SLIT3: variants seen among roughly 807,000 people sequenced by gnomAD.
SLIT3 encodes slit homolog 3 protein.
A neutral mutation model predicts 184.0 loss-of-function variants in SLIT3; 68 were observed. That is an observed-to-expected ratio of 0.37 (90% CI 0.30 to 0.45). SLIT3 has a LOEUF of 0.45. SLIT3 is among the 20% of genes least tolerant of loss of function. The pLI is 1.00. For synonymous variants in SLIT3, 831 were observed against 828.6 expected, an observed-to-expected ratio of 1.00 and a Z score of -0.05; for missense variants, 1,707 against 2,026.0, an observed-to-expected ratio of 0.84 and a Z score of 3.02.
chr5:168,898,074 C>T (rs570411561), intron 4 of SLIT3, among the ~76,000 whole-genome samples: 14 of 152,272 alleles, frequency 9.2e-5, no homozygotes, highest in East Asian at 5.8e-4. Flanking sequence ...CATTACAAAG[C>T]GAGTTTTTAA....
chr5:168,883,411 A>T, intron 4 of SLIT3, 75 bp from the exon 5 acceptor site: 1 of 1,145,072 alleles, frequency 8.7e-7, no homozygotes, highest in Non-Finnish European at 1.3e-6. Context: ...AAATGATAAC[A>T]ATCCCCCCCA....
chr5:168,803,216 G>T (rs1390160226), intron 9 of SLIT3, among the ~76,000 whole-genome samples: 1 of 152,158 alleles, frequency 6.6e-6, no homozygotes, highest in African/African-American at 2.4e-5. Context: ...TCTGTCTTCA[G>T]TGGCTATCAT....
At chr5:169,254,296 C>A (rs1373057771) in intron 1 of SLIT3, among the ~76,000 whole-genome samples, 1 of 152,118 alleles carries the variant, frequency 6.6e-6, no homozygotes, top group Non-Finnish European at 1.5e-5. Context: ...CCCCACTGTC[C>A]CGGCCCAGGC....
intron 5 of SLIT3, among the ~76,000 whole-genome samples, chr5:168,875,731 G>A (rs1759709371): frequency 6.6e-6 from 1 of 151,286 alleles, no homozygotes; most frequent in South Asian, 2.1e-4. Context: ...AGGAAGGGAG[G>A]GAAACAGGAA....
chr5:168,792,646 T>G (rs1024992923), intron 10 of SLIT3, among the ~76,000 whole-genome samples: 5 of 152,130 alleles, frequency 3.3e-5, no homozygotes, highest in Non-Finnish European at 7.4e-5. Flanking sequence ...CCTAAGAGCA[T>G]GAAAGAGAAA....
chr5:168,751,833 G>A (rs1222485783), intron 18 of SLIT3, among the ~76,000 whole-genome samples: 2 of 151,940 alleles, frequency 1.3e-5, no homozygotes, highest in Non-Finnish European at 2.9e-5. Flanking sequence ...CACCTCCCGG[G>A]TTCAAGCGAT....
intron 4 of SLIT3, among the ~76,000 whole-genome samples, chr5:168,983,284 C>A (rs1437096519): frequency 6.6e-6 from 1 of 152,206 alleles, no homozygotes; most frequent in African/African-American, 2.4e-5. Flanking sequence ...GCTTTATCCC[C>A]CAGGTAAACT....
At chr5:168,697,718 G>T (rs1053541721) in intron 27 of SLIT3, among the ~76,000 whole-genome samples, 1 of 152,170 alleles carries the variant, frequency 6.6e-6, no homozygotes, top group Non-Finnish European at 1.5e-5. Context: ...AAGGCCAGGG[G>T]CCTCTCAGGT....
chr5:168,938,786 G>C (rs559194732), intron 4 of SLIT3, among the ~76,000 whole-genome samples: 3 of 151,890 alleles, frequency 2.0e-5, no homozygotes, highest in Admixed American at 2.0e-4. Context: ...GTGCACCACC[G>C]TGCCTGGCTA....
At chr5:169,205,737 GC>G (rs1003538799) in intron 3 of SLIT3, among the ~76,000 whole-genome samples, 3 of 152,230 alleles carry the variant, frequency 2.0e-5, no homozygotes, top group Admixed American at 6.5e-5. Context: ...TGCTGCCCAA[GC>G]CCCCTGTGCT....
intron 4 of SLIT3, among the ~76,000 whole-genome samples, chr5:168,898,315 T>G (rs2113822470): frequency 6.6e-6 from 1 of 151,776 alleles, no homozygotes; most frequent in African/African-American, 2.4e-5. Context: ...AGTGGCTGGC[T>G]CGAAATCAAG....
At chr5:169,137,479 T>G (rs958524584) in intron 4 of SLIT3, among the ~76,000 whole-genome samples, 1 of 151,806 alleles carries the variant, frequency 6.6e-6, no homozygotes, top group East Asian at 1.9e-4. Flanking sequence ...AAATCTCTCC[T>G]CTCATTAGCC....
At chr5:169,046,490 AT>A (rs1757626621) in intron 4 of SLIT3, among the ~76,000 whole-genome samples, 1 of 152,226 alleles carries the variant, frequency 6.6e-6, no homozygotes, top group South Asian at 2.1e-4. Context: ...CTCTTTGGAT[AT>A]TTAAAATGTC....
At position 168,687,014 on chromosome 5, in the gene SLIT3, G is replaced by T; in HGVS notation, c.3279C>A (p.Ile1093=). Residue 1093 remains isoleucine (I), a synonymous_variant, in exon 30 of 36, where the codon ATC becomes ATA. Transcript: ENST00000519560. ...GGGGGCAGGTGCATGTGTAGCCATT[G>T]ATTGTGTCCACGCACTGGGCCCCGT... is the stretch of plus-strand genomic sequence containing the variant. ...CRHGAQCVDT[I]NGYTCTCPQG... 2.5e-6 allele frequency: 4 copies of T among 1,614,228 alleles called. No homozygotes were observed. The highest frequency in any genetic ancestry group is 3.4e-6 in the Non-Finnish European group (4 of 1,180,018).
rs1761237430 is a variant in SLIT3, at chr5:168,671,391, TG to T, written c.3933del (p.Asn1312ThrfsTer142). 1 of 1,614,152 alleles carries T rather than the reference TG, an allele frequency of 6.2e-7. No individual in the cohort carries two copies. The highest frequency in any genetic ancestry group is 8.5e-7 in the Non-Finnish European group (1 of 1,180,018). On this transcript the variant is annotated frameshift_variant, in exon 34 of 36. Transcript: ENST00000519560. LOFTEE classifies it high-confidence loss of function. The part of the protein sequence containing the change: ...GFHGCIHEVR[I>X]NNELQDFKAL... Reference sequence around the variant, plus strand: ...GCCTTGAAGTCCTGCAGCTCGTTGTTGATGCGCACCTCATGGATGCATCCGT... The same window carrying T: ...GCCTTGAAGTCCTGCAGCTCGTTGTTATGCGCACCTCATGGATGCATCCGT...
chr5:169,178,596 A>T lies in SLIT3; in HGVS notation c.413+14883T>A, dbSNP rs1178363016. 2.6e-5 allele frequency among the ~76,000 whole-genome samples: 4 copies of T among 152,158 alleles called. No individual in the cohort carries two copies. The East Asian group carries it at 7.7e-4, about 29-fold the overall frequency. ...TACCGCACCCCACCACACACACACG[A>T]TTCTTATTTTCTTTCTTTCCTTTCT... On this transcript the variant is annotated intron_variant, in intron 4 of 35. Transcript: ENST00000519560.
intron 3 of SLIT3, among the ~76,000 whole-genome samples, chr5:169,215,192 C>T (rs1764394771): frequency 6.6e-6 from 1 of 152,186 alleles, no homozygotes; most frequent in Middle Eastern, 3.2e-3. Context: ...TGCCCCCCAG[C>T]CATGACGAAC....
intron 4 of SLIT3, among the ~76,000 whole-genome samples, chr5:169,079,193 A>C (rs1758866109): frequency 6.6e-6 from 1 of 152,144 alleles, no homozygotes; most frequent in South Asian, 2.1e-4. Context: ...GGGAGAAAAA[A>C]TGCTTTAAGG....
chr5:168,873,952 C>T (rs1467598645), intron 5 of SLIT3, among the ~76,000 whole-genome samples: 1 of 152,134 alleles, frequency 6.6e-6, no homozygotes, highest in African/African-American at 2.4e-5. Context: ...TCCTAAGTCC[C>T]TTACATTTCT....
Sources: allele counts gnomAD v4.1 joint callset (sites outside exome capture counted in the v4.1 genomes callset), GRCh38; gene constraint gnomAD v4.1.1; transcripts MANE v1.5; gene names NCBI Gene and HGNC (gene_info 2026-07-23, HGNC 2026-07-21).